The following PAAF1 variants were observed in gnomAD, a reference collection of about 807,000 sequenced individuals.
The protein encoded by PAAF1 is proteasomal ATPase associated factor 1, also known as proteasomal ATPase-associated factor 1.
PAAF1 carries 46 observed loss-of-function variants against 52.8 expected under a neutral mutation model. The ratio of observed to expected loss-of-function variants is 0.87; its 90% confidence interval spans 0.69 to 1.11. The LOEUF (loss-of-function observed/expected upper bound fraction) is 1.11. PAAF1 is among the 50% of genes most tolerant of loss of function. The pLI, the probability that PAAF1 is intolerant of heterozygous loss-of-function variation, is 0.00. For synonymous variants in PAAF1, 178 were observed against 172.8 expected, an observed-to-expected ratio of 1.03 and a Z score of -0.24; for missense variants, 424 against 477.4, an observed-to-expected ratio of 0.89 and a Z score of 1.04.
At chr11:73,911,732 C>T (rs769481022) in intron 7 of PAAF1, among the ~76,000 whole-genome samples, 2 of 149,194 alleles carry the variant, frequency 1.3e-5, no homozygotes, top group African/African-American at 5.0e-5. Context: ...TTCAAGTGTT[C>T]GAGTGATTCT....
At chr11:73,922,388 T>C (rs1565153716) in intron 10 of PAAF1, among the ~76,000 whole-genome samples, 1 of 152,168 alleles carries the variant, frequency 6.6e-6, no homozygotes, top group Non-Finnish European at 1.5e-5. Flanking sequence ...CAGTTAATTA[T>C]AAAGGAAAAG....
rs1173887538 is a variant in PAAF1 at position 73,919,153 on chromosome 11, G to C, written c.1018+121G>C. 11 of 793,640 alleles carry C rather than the reference G, an allele frequency of 1.4e-5. No homozygotes were observed. The Admixed American group carries it at 3.1e-4, about 22-fold the overall frequency. 49.2% of individuals were successfully genotyped at this position (793,640 alleles called of 1,614,324 possible). The stretch of plus-strand genomic sequence containing the variant: ...GTCCCCCATGATTCTTTGGCATATT[G>C]TACCTATCAATAGTGTTTATCACTC... On this transcript the variant is annotated intron_variant, in intron 10 of 11. Transcript: ENST00000310571.
intron 9 of PAAF1, among the ~76,000 whole-genome samples, chr11:73,918,371 T>G (rs1375744009): frequency 6.9e-6 from 1 of 145,978 alleles, no homozygotes; most frequent in Non-Finnish European, 1.5e-5. Context: ...TTTTTTTTTT[T>G]TTTTTTTTTT....
At chr11:73,908,406 TA>T (rs1285488038) in intron 6 of PAAF1, among the ~76,000 whole-genome samples, 1 of 149,202 alleles carries the variant, frequency 6.7e-6, no homozygotes, top group East Asian at 1.9e-4. Flanking sequence ...TATGTGTATA[TA>T]TATGTGTGTA....
chr11:73,925,113 T>G (rs1337281995), intron 11 of PAAF1, among the ~76,000 whole-genome samples: 5 of 139,424 alleles, frequency 3.6e-5, no homozygotes, highest in African/African-American at 5.5e-5. Context: ...CTCAAGATCG[T>G]ACCACTACAC....
At chr11:73,876,823 T>G, upstream of PAAF1, 1 of 476,280 alleles carries the variant, frequency 2.1e-6, no homozygotes, top group Non-Finnish European at 3.5e-6. Context: ...CGCAGGCGGT[T>G]GGGGATCCTC....
At chr11:73,900,991 A>G (rs1949593347) in intron 6 of PAAF1, among the ~76,000 whole-genome samples, 1 of 100,072 alleles carries the variant, frequency 1.0e-5, no homozygotes, top group African/African-American at 4.7e-5. Context: ...CAAAAAAAAA[A>G]AAAAAAAAAA....
Position 73,900,253 on chromosome 11 carries a change from T to C in PAAF1, c.382-17T>C, listed in dbSNP as rs1303897826. 1.9e-6 allele frequency: 3 copies of C among 1,580,160 alleles called. No individual in the cohort carries two copies. Among genetic ancestry groups the C allele is most frequent in the Non-Finnish European group, 2.6e-6 (3 of 1,156,800 alleles). On this transcript the variant is annotated splice_polypyrimidine_tract_variant and intron_variant, in intron 5 of 11. Transcript: ENST00000310571. Reference sequence around the variant, plus strand: ...TGGACAAGAGAACTAGCATGGAATTTTCTTTTGTTTTTCCAGAGAGTATTG... The same window carrying C: ...TGGACAAGAGAACTAGCATGGAATTCTCTTTTGTTTTTCCAGAGAGTATTG...
intron 6 of PAAF1, among the ~76,000 whole-genome samples, chr11:73,901,384 G>A (rs952287522): frequency 1.3e-5 from 2 of 152,168 alleles, no homozygotes; most frequent in East Asian, 1.9e-4. Context: ...TTAAAAAGGA[G>A]ATAAGTATGC....
intron 1 of PAAF1, among the ~76,000 whole-genome samples, chr11:73,878,494 A>C (rs1948807540): frequency 6.6e-6 from 1 of 152,216 alleles, no homozygotes; most frequent in African/African-American, 2.4e-5. Context: ...AATCCTGATA[A>C]ATAATTAAAT....
chr11:73,877,893 A>G (rs1948787997), intron 1 of PAAF1, among the ~76,000 whole-genome samples: 1 of 152,220 alleles, frequency 6.6e-6, no homozygotes, highest in Non-Finnish European at 1.5e-5. Flanking sequence ...TCAAAAAAGA[A>G]GAAAAGCTGA....
At chr11:73,886,685 A>AG in intron 2 of PAAF1, among the ~76,000 whole-genome samples, 1 of 150,856 alleles carries the variant, frequency 6.6e-6, no homozygotes. Flanking sequence ...AAAAAAAAAA[A>AG]AAAAAAAAAA....
chr11:73,901,870 C>CT (rs35218096), intron 6 of PAAF1, among the ~76,000 whole-genome samples: 3,175 of 128,160 alleles, frequency 0.025, 112 homozygotes, highest in African/African-American at 0.076. Context: ...TGCGCCTTGC[C>CT]TTTTTTTTTT....
In PAAF1 at chr11:73,929,631, T is replaced by A. The variant is rs1950427882; in HGVS notation, c.*2269T>A. ...TCACAGGCAGGTAGCAAGAGACTTTTGTGACTAGAGCAATTTCATTTCAAG... is the reference window on the plus strand; with the variant it reads ...TCACAGGCAGGTAGCAAGAGACTTTAGTGACTAGAGCAATTTCATTTCAAG... On this transcript the variant is annotated 3_prime_UTR_variant, in exon 12 of 12. Transcript: ENST00000310571. The A allele has an allele frequency of 6.6e-6, 1 of 152,258 alleles. No homozygotes were observed. Among genetic ancestry groups the A allele is most frequent in the Admixed American group, 6.5e-5 (1 of 15,280 alleles). The allele number at this position is 152,258 out of a possible 1,614,324, so 9.4% of individuals were successfully genotyped here. A position where few individuals can be genotyped will look rare whatever the true frequency, so the allele number is the denominator to read the frequency against.
chr11:73,898,405 G>T (rs556902119), intron 4 of PAAF1, among the ~76,000 whole-genome samples: 1 of 152,094 alleles, frequency 6.6e-6, no homozygotes, highest in Admixed American at 6.5e-5. Flanking sequence ...TTGTAGAGAT[G>T]GAGTCTCATT....
chr11:73,885,058 A>G (rs967260591), intron 2 of PAAF1, among the ~76,000 whole-genome samples: 1 of 150,886 alleles, frequency 6.6e-6, no homozygotes, highest in Non-Finnish European at 1.5e-5. Flanking sequence ...ACGGGGTTTC[A>G]CCGTTTTAGC....
At chr11:73,920,546 A>G (rs1222845701) in intron 10 of PAAF1, among the ~76,000 whole-genome samples, 2 of 151,934 alleles carry the variant, frequency 1.3e-5, no homozygotes, top group Admixed American at 1.3e-4. Context: ...AATTTTTTCA[A>G]TTAAAAAAAT....
chr11:73,892,144 G>A (rs1238890541), intron 4 of PAAF1, among the ~76,000 whole-genome samples: 1 of 152,050 alleles, frequency 6.6e-6, no homozygotes, highest in East Asian at 1.9e-4. Flanking sequence ...GCAACATGGT[G>A]AAACTCTGTC....
At chr11:73,922,253 G>C in intron 10 of PAAF1, 1 of 607,048 alleles carries the variant, frequency 1.6e-6, no homozygotes, top group Admixed American at 2.0e-5. Flanking sequence ...CTACTTTTCT[G>C]CTGGGAAGAA....
Sources: allele counts gnomAD v4.1 joint callset (sites outside exome capture counted in the v4.1 genomes callset), GRCh38; gene constraint gnomAD v4.1.1; transcripts MANE v1.5; gene names NCBI Gene and HGNC (gene_info 2026-07-23, HGNC 2026-07-21).